The following UNC5D variants were observed in gnomAD, a reference collection of about 807,000 sequenced individuals.
UNC5D encodes unc-5 netrin receptor D, also known as netrin receptor UNC5D.
UNC5D carries 39 observed loss-of-function variants against 105.4 expected under a neutral mutation model. That is an observed-to-expected ratio of 0.37 (90% CI 0.29 to 0.48). UNC5D has a LOEUF of 0.48. UNC5D is among the 20% of genes least tolerant of loss of function. The pLI is 0.98. For synonymous variants in UNC5D, 452 were observed against 450.4 expected, an observed-to-expected ratio of 1.00 and a Z score of -0.04; for missense variants, 991 against 1,202.4, an observed-to-expected ratio of 0.82 and a Z score of 2.60.
intron 1 of UNC5D, among the ~76,000 whole-genome samples, chr8:35,259,180 C>T (rs1303217102): frequency 6.6e-6 from 1 of 152,024 alleles, no homozygotes; most frequent in Non-Finnish European, 1.5e-5. Flanking sequence ...GTGGAGAAGG[C>T]AGAGAGAAGA....
At chr8:35,307,423 A>G (rs1808506962) in intron 1 of UNC5D, among the ~76,000 whole-genome samples, 1 of 152,170 alleles carries the variant, frequency 6.6e-6, no homozygotes, top group African/African-American at 2.4e-5. Context: ...AGGAGGCATT[A>G]TTAGTCTAAG....
intron 4 of UNC5D, among the ~76,000 whole-genome samples, chr8:35,652,823 T>C (rs1189862030): frequency 6.6e-6 from 1 of 151,952 alleles, no homozygotes; most frequent in Non-Finnish European, 1.5e-5. Context: ...CTGTATTCTC[T>C]TGATCTCACA....
intron 1 of UNC5D, among the ~76,000 whole-genome samples, chr8:35,322,378 A>G (rs182080160): frequency 1.1e-4 from 16 of 149,748 alleles, no homozygotes; most frequent in Admixed American, 6.7e-4. Flanking sequence ...AGTAGTGTTT[A>G]CTAGAGTATC....
intron 1 of UNC5D, among the ~76,000 whole-genome samples, chr8:35,292,333 T>A (rs1468934012): frequency 6.6e-6 from 1 of 152,356 alleles, no homozygotes; most frequent in East Asian, 1.9e-4. Context: ...TTACTCACTT[T>A]GCCAAATTGC....
chr8:35,520,761 G>T (rs1159859212), intron 1 of UNC5D, among the ~76,000 whole-genome samples: 1 of 152,116 alleles, frequency 6.6e-6, no homozygotes, highest in Admixed American at 6.5e-5. Context: ...CAAAGTGGTG[G>T]TCATTACCAT....
At chr8:35,463,016 C>A (rs1323408175) in intron 1 of UNC5D, among the ~76,000 whole-genome samples, 2 of 152,186 alleles carry the variant, frequency 1.3e-5, no homozygotes, top group African/African-American at 4.8e-5. Flanking sequence ...GTAATCCTTC[C>A]CATCCCTCTT....
At chr8:35,615,590 T>A (rs118190364) in intron 4 of UNC5D, among the ~76,000 whole-genome samples, 3,213 of 152,320 alleles carry the variant, frequency 0.021, 41 homozygotes, top group Middle Eastern at 0.037. Flanking sequence ...CTATAAATCC[T>A]AATTTAACTG....
intron 7 of UNC5D, among the ~76,000 whole-genome samples, chr8:35,693,555 C>T (rs1457606278): frequency 6.6e-6 from 1 of 152,104 alleles, no homozygotes; most frequent in Non-Finnish European, 1.5e-5. Flanking sequence ...ATCCAGAAAA[C>T]TTTTTCTGTT....
intron 11 of UNC5D, among the ~76,000 whole-genome samples, chr8:35,740,531 T>TA (rs1829706204): frequency 1.3e-5 from 2 of 152,168 alleles, no homozygotes; most frequent in Admixed American, 6.5e-5. Context: ...AGCCAGTAAG[T>TA]CTGTGCTGTG....
intron 1 of UNC5D, among the ~76,000 whole-genome samples, chr8:35,357,306 T>A (rs1801612733): frequency 6.6e-6 from 1 of 152,224 alleles, no homozygotes; most frequent in Admixed American, 6.5e-5. Flanking sequence ...TTCCTCTGGC[T>A]TTATTCTGAC....
chr8:35,435,274 A>G (rs1806932236), intron 1 of UNC5D, among the ~76,000 whole-genome samples: 1 of 152,142 alleles, frequency 6.6e-6, no homozygotes, highest in Admixed American at 6.6e-5. Flanking sequence ...TTCACATCCT[A>G]ATGTAGACAT....
At chr8:35,384,517 G>A (rs1463279849) in intron 1 of UNC5D, among the ~76,000 whole-genome samples, 3 of 152,180 alleles carry the variant, frequency 2.0e-5, no homozygotes, top group Non-Finnish European at 4.4e-5. Context: ...GCCTTCTGTT[G>A]TTAATGCTTG....
chr8:35,535,142 T>C (rs570866382), intron 1 of UNC5D, among the ~76,000 whole-genome samples: 1 of 152,320 alleles, frequency 6.6e-6, no homozygotes, highest in Admixed American at 6.5e-5. Context: ...CTATAAGCCA[T>C]GGATACCTGG....
intron 1 of UNC5D, among the ~76,000 whole-genome samples, chr8:35,297,504 T>G (rs1488590410): frequency 6.6e-6 from 1 of 152,132 alleles, no homozygotes; most frequent in Non-Finnish European, 1.5e-5. Flanking sequence ...ATGATATTGT[T>G]CCCCTTTGTA....
intron 4 of UNC5D, among the ~76,000 whole-genome samples, chr8:35,605,966 T>C (rs1820264133): frequency 6.6e-6 from 1 of 151,836 alleles, no homozygotes; most frequent in African/African-American, 2.4e-5. Flanking sequence ...ACCTTCCCCC[T>C]CAGTTTCCTT....
chr8:35,745,065 A>AC (rs1260483727), intron 11 of UNC5D, among the ~76,000 whole-genome samples: 1 of 152,132 alleles, frequency 6.6e-6, no homozygotes, highest in East Asian at 1.9e-4. Flanking sequence ...AAAAAAAAAA[A>AC]AATTCCCTAG....
intron 7 of UNC5D, among the ~76,000 whole-genome samples, chr8:35,695,692 G>C (rs1438391442): frequency 6.6e-6 from 1 of 150,832 alleles, no homozygotes; most frequent in African/African-American, 2.4e-5. Context: ...TGACAACCTG[G>C]CCAGAAAGTA....
chr8:35,403,639 A>G (rs570841621), intron 1 of UNC5D, among the ~76,000 whole-genome samples: 41 of 152,352 alleles, frequency 2.7e-4, no homozygotes, highest in Non-Finnish European at 4.7e-4. Context: ...TTCTTTGAGC[A>G]TCATGTTGGC....
chr8:35,377,867 T>G (rs78446186), intron 1 of UNC5D, among the ~76,000 whole-genome samples: 1,836 of 152,312 alleles, frequency 0.012, 39 homozygotes, highest in African/African-American at 0.043. Flanking sequence ...AGATAAGTCA[T>G]CAGTCTGTGT....
Sources: gnomAD v4.1 joint callset for allele counts (sites outside exome capture counted in the v4.1 genomes callset) on GRCh38, gnomAD v4.1.1 for gene constraint, MANE v1.5 for transcripts, NCBI Gene and HGNC (gene_info 2026-07-23, HGNC 2026-07-21) for gene names.